Variants in CNTN1 observed in about 807,000 individuals in gnomAD.
The protein encoded by CNTN1 is contactin-1.
In CNTN1, 38 loss-of-function variants were observed where a neutral mutation model predicts 126.4. The observed-to-expected ratio is 0.30, with a 90% confidence interval of 0.23 to 0.39. The LOEUF (loss-of-function observed/expected upper bound fraction) is 0.39, where lower values mean the gene tolerates loss of function less well. Ranked by LOEUF, CNTN1 falls within the 10% of genes least tolerant of loss-of-function variation. The probability of loss-of-function intolerance (pLI) is 1.00; values close to 1 mark genes in which losing one functional copy is unlikely to be tolerated. For missense variants in CNTN1, 1,009 were observed against 1,248.4 expected, an observed-to-expected ratio of 0.81 and a Z score of 2.89; for synonymous variants, 413 against 422.6, an observed-to-expected ratio of 0.98 and a Z score of 0.28.
intron 23 of CNTN1, among the ~76,000 whole-genome samples, chr12:41,029,829 T>C (rs542872989): frequency 1.3e-5 from 2 of 152,238 alleles, no homozygotes; most frequent in South Asian, 4.1e-4. Flanking sequence ...CTCTATCTTA[T>C]CTATTCCTTT....
rs543033630 is a variant in CNTN1 at position 40,938,547 on chromosome 12, C to T, written c.1229-788C>T. Among the ~76,000 whole-genome samples, 268 of 152,236 alleles carry T rather than the reference C, an allele frequency of 1.8e-3. 3 individuals carry two copies. The highest frequency in any genetic ancestry group is 6.1e-3 in the African/African-American group (255 of 41,564). ...TCCCACTTATTACTACCTGTGGTAC[C>T]TTTGCCAAATTAAATAATCCTAATA... On this transcript the variant is annotated intron_variant, in intron 11 of 23. Transcript: ENST00000551295.
chr12:40,824,688 T>A (rs1014167), intron 1 of CNTN1, among the ~76,000 whole-genome samples: 17,654 of 152,202 alleles, frequency 0.12, 1,064 homozygotes, highest in Non-Finnish European at 0.13. Flanking sequence ...CCTAGTCATA[T>A]AGTTAAATTC....
In CNTN1 at chr12:40,943,710, C is replaced by T. The variant is rs767934657; in HGVS notation, c.1493C>T (p.Thr498Ile). 6.2e-7 allele frequency: 1 copy of T among 1,612,670 alleles called. No individual in the cohort carries two copies. Among genetic ancestry groups the T allele is most frequent in the Admixed American group, 1.7e-5 (1 of 59,868 alleles). The change falls in exon 13 of 24, where the codon ACC becomes ATC. Residue 498 changes from threonine to isoleucine, a missense_variant. Thr to Ile is a moderately conservative substitution (Grantham distance 89, BLOSUM62 -1). Coordinates refer to ENST00000551295, the MANE Select transcript of CNTN1 (RefSeq NM_001843.4). ...AGAGGGAAAGCTAATAGCACTGGAA[C>T]CCTTGTTATCACAGGTAAGTTAATG... The part of the protein sequence containing the change: ...NNRGKANSTG[T>I]LVITDPTRII...
intron 23 of CNTN1, among the ~76,000 whole-genome samples, chr12:41,032,361 C>T (rs1949161752): frequency 7.0e-6 from 1 of 142,812 alleles, no homozygotes; most frequent in African/African-American, 2.7e-5. Context: ...GAGCGAGACT[C>T]CGTCTCAAAA....
chr12:40,838,711 T>A (rs887551093), intron 1 of CNTN1, among the ~76,000 whole-genome samples: 28 of 152,030 alleles, frequency 1.8e-4, no homozygotes, highest in Admixed American at 1.8e-3. Context: ...AGAGACACAC[T>A]TAGAATCAAA....
chr12:41,060,336 T>C (rs691564), intron 23 of CNTN1, among the ~76,000 whole-genome samples: 96,169 of 152,080 alleles, frequency 0.63, 31,875 homozygotes, highest in African/African-American at 0.84. Flanking sequence ...CAACTGGTCC[T>C]TCAAGACTTG....
At chr12:40,950,224 C>T (rs564296886) in intron 14 of CNTN1, among the ~76,000 whole-genome samples, 1 of 151,012 alleles carries the variant, frequency 6.6e-6, no homozygotes, top group South Asian at 2.1e-4. Flanking sequence ...CCCAAATTAT[C>T]GATAGAACCA....
intron 1 of CNTN1, among the ~76,000 whole-genome samples, chr12:40,878,498 T>A (rs575653930): frequency 6.6e-6 from 1 of 152,286 alleles, no homozygotes; most frequent in African/African-American, 2.4e-5. Flanking sequence ...GTTTTACCAT[T>A]TTTAAAAAAA....
intron 12 of CNTN1, among the ~76,000 whole-genome samples, chr12:40,942,019 C>A (rs1946279220): frequency 6.6e-6 from 1 of 151,988 alleles, no homozygotes; most frequent in Non-Finnish European, 1.5e-5. Context: ...GGTAAAAGAT[C>A]AATTGAAAAC....
chr12:40,942,529 A>C (rs752666554), intron 12 of CNTN1, among the ~76,000 whole-genome samples: 1 of 152,056 alleles, frequency 6.6e-6, no homozygotes, highest in Non-Finnish European at 1.5e-5. Context: ...AATTCCTCCC[A>C]TGGTCAGTCA....
At chr12:40,728,398 A>T (rs1942411991) in intron 1 of CNTN1, among the ~76,000 whole-genome samples, 3 of 152,170 alleles carry the variant, frequency 2.0e-5, no homozygotes, top group Admixed American at 2.0e-4. Context: ...AGGCAGGAAC[A>T]AGGGGAAGGG....
At chr12:40,960,431 C>T (rs376945578) in intron 15 of CNTN1, among the ~76,000 whole-genome samples, 23 of 152,064 alleles carry the variant, frequency 1.5e-4, no homozygotes, top group Middle Eastern at 3.4e-3. Flanking sequence ...TTTTAATTCT[C>T]CTTCCACATC....
intron 1 of CNTN1, among the ~76,000 whole-genome samples, chr12:40,885,659 C>A (rs1312287525): frequency 6.6e-6 from 1 of 151,954 alleles, no homozygotes; most frequent in Non-Finnish European, 1.5e-5. Context: ...GTAGTAAGTG[C>A]TATGTATGCA....
chr12:40,705,697 C>T (rs958316627), intron 1 of CNTN1, among the ~76,000 whole-genome samples: 1 of 152,044 alleles, frequency 6.6e-6, no homozygotes, highest in Non-Finnish European at 1.5e-5. Flanking sequence ...ATTGCTATAA[C>T]AAAATACCTG....
intron 15 of CNTN1, among the ~76,000 whole-genome samples, chr12:40,977,376 C>T (rs1947704397): frequency 6.6e-6 from 1 of 152,064 alleles, no homozygotes; most frequent in Admixed American, 6.6e-5. Flanking sequence ...ATCAATAATT[C>T]CCAAAGGGAG....
intron 1 of CNTN1, among the ~76,000 whole-genome samples, chr12:40,825,104 T>C (rs1050100155): frequency 2.7e-4 from 41 of 152,288 alleles, no homozygotes; most frequent in African/African-American, 9.6e-4. Context: ...ATTCCTTGTG[T>C]GTAGAAGGTA....
chr12:40,735,443 A>G (rs1937632598), intron 1 of CNTN1, among the ~76,000 whole-genome samples: 1 of 152,132 alleles, frequency 6.6e-6, no homozygotes, highest in African/African-American at 2.4e-5. Flanking sequence ...AATCACCTAT[A>G]GAGTTTATCA....
At chr12:41,011,622 G>A (rs1337047176) in intron 17 of CNTN1, among the ~76,000 whole-genome samples, 1 of 152,156 alleles carries the variant, frequency 6.6e-6, no homozygotes, top group Admixed American at 6.5e-5. Context: ...GTGGGTTTTA[G>A]TCACCCTCAC....
intron 1 of CNTN1, among the ~76,000 whole-genome samples, chr12:40,703,843 C>A (rs906484545): frequency 6.6e-6 from 1 of 151,802 alleles, no homozygotes; most frequent in Admixed American, 6.6e-5. Flanking sequence ...ATGTGGTAGA[C>A]GTTGCATTGG....
Sources: allele counts gnomAD v4.1 joint callset (sites outside exome capture counted in the v4.1 genomes callset), GRCh38; gene constraint gnomAD v4.1.1; transcripts MANE v1.5; gene names NCBI Gene and HGNC (gene_info 2026-07-23, HGNC 2026-07-21).